The following ACTR3C variants were observed in gnomAD, a reference collection of about 807,000 sequenced individuals.
ACTR3C encodes the protein actin related protein 3C.
In ACTR3C, 18 loss-of-function variants were observed where a neutral mutation model predicts 26.3. The ratio of observed to expected loss-of-function variants is 0.68; its 90% CI spans 0.47 to 1.01. The LOEUF is 1.01. Ranked by LOEUF, ACTR3C falls within the 50% of genes least tolerant of loss-of-function variation. The pLI, the probability that ACTR3C is intolerant of heterozygous loss-of-function variation, is 0.00. For missense variants in ACTR3C, 184 were observed against 250.7 expected, an observed-to-expected ratio of 0.73 and a Z score of 1.80; for synonymous variants, 55 against 94.5, an observed-to-expected ratio of 0.58 and a Z score of 2.42.
the ACTR3C span, among the ~76,000 whole-genome samples, chr7:150,038,877 CGCGGGGGGTGCCT>C: frequency 3.5e-5 from 4 of 114,488 alleles, no homozygotes; most frequent in Non-Finnish European, 5.8e-5. Context: ...GTCCCTGCCT[CGCGGGGGGTGCCT>C]CCCCCCTGCG....
chr7:150,150,099 G>A, the ACTR3C span, among the ~76,000 whole-genome samples: 2 of 151,920 alleles, frequency 1.3e-5, no homozygotes, highest in Non-Finnish European at 2.9e-5. Context: ...TTAGTTGGAG[G>A]CAGGAAGAAG....
At chr7:150,136,834 A>G in the ACTR3C span, among the ~76,000 whole-genome samples, 2 of 152,090 alleles carry the variant, frequency 1.3e-5, no homozygotes, top group South Asian at 4.1e-4. Context: ...TGCACTGTGC[A>G]TGCTTTACAG....
At chr7:149,894,520 TA>T in the ACTR3C span, among the ~76,000 whole-genome samples, 1 of 151,718 alleles carries the variant, frequency 6.6e-6, no homozygotes, top group South Asian at 2.1e-4. Context: ...TCAAAATATA[TA>T]AAGAACTCAA....
chr7:150,158,317 G>A, the ACTR3C span, among the ~76,000 whole-genome samples: 1 of 151,874 alleles, frequency 6.6e-6, no homozygotes, highest in Non-Finnish European at 1.5e-5. Flanking sequence ...AAATAGAACT[G>A]CCATATGATC....
the ACTR3C span, among the ~76,000 whole-genome samples, chr7:150,085,335 G>A: frequency 6.6e-6 from 1 of 152,186 alleles, no homozygotes; most frequent in Non-Finnish European, 1.5e-5. Flanking sequence ...AGGCAGATAA[G>A]ACTTCAATGC....
At chr7:149,925,303 G>A in the ACTR3C span, among the ~76,000 whole-genome samples, 6 of 152,152 alleles carry the variant, frequency 3.9e-5, no homozygotes, top group Non-Finnish European at 8.8e-5. Flanking sequence ...TAATTTTTAA[G>A]TTTAATAAAA....
At chr7:150,007,602 T>C in the ACTR3C span, among the ~76,000 whole-genome samples, 1 of 152,196 alleles carries the variant, frequency 6.6e-6, no homozygotes, top group Non-Finnish European at 1.5e-5. Flanking sequence ...CTGATTTCCT[T>C]GCATTTCACG....
the ACTR3C span, among the ~76,000 whole-genome samples, chr7:150,016,823 T>G: frequency 5.5e-4 from 84 of 152,266 alleles, no homozygotes; most frequent in African/African-American, 1.8e-3. Context: ...GGTATATGTG[T>G]CATAGCCTGT....
chr7:149,925,722 G>A, the ACTR3C span, among the ~76,000 whole-genome samples: 1 of 151,424 alleles, frequency 6.6e-6, no homozygotes, highest in African/African-American at 2.4e-5. Flanking sequence ...AATTCCAAAT[G>A]AATTAGAGAT....
At chr7:149,990,596 C>G in the ACTR3C span, among the ~76,000 whole-genome samples, 1 of 133,932 alleles carries the variant, frequency 7.5e-6, no homozygotes, top group Non-Finnish European at 1.6e-5. Flanking sequence ...GAAACTGAGC[C>G]CCTCATGGAG....
intron 6 of ACTR3C, among the ~76,000 whole-genome samples, chr7:150,251,794 C>T (rs1341747942): frequency 1.4e-4 from 21 of 152,034 alleles, no homozygotes; most frequent in Non-Finnish European, 4.4e-5. Flanking sequence ...ATATAAAAGC[C>T]ATTAGGTTTT....
the ACTR3C span, among the ~76,000 whole-genome samples, chr7:149,915,463 T>A: frequency 6.6e-6 from 1 of 152,128 alleles, no homozygotes; most frequent in South Asian, 2.1e-4. Context: ...ACTCTCTATG[T>A]ACAAGCAGAC....
At chr7:150,028,832 G>A in the ACTR3C span, among the ~76,000 whole-genome samples, 3 of 152,268 alleles carry the variant, frequency 2.0e-5, no homozygotes, top group Non-Finnish European at 2.9e-5. Flanking sequence ...CGGGGCCACT[G>A]GGCCCTTTCC....
chr7:150,257,552 A>T (rs1284106501), intron 6 of ACTR3C, among the ~76,000 whole-genome samples: 1 of 152,234 alleles, frequency 6.6e-6, no homozygotes, highest in East Asian at 1.9e-4. Flanking sequence ...CTATACACCC[A>T]AAGAGTTGAA....
the ACTR3C span, among the ~76,000 whole-genome samples, chr7:150,175,185 A>C: frequency 6.7e-6 from 1 of 148,598 alleles, no homozygotes; most frequent in South Asian, 2.1e-4. Context: ...GTGTACCATA[A>C]AAATATTAGG....
At chr7:150,153,350 T>C in the ACTR3C span, among the ~76,000 whole-genome samples, 1 of 149,466 alleles carries the variant, frequency 6.7e-6, no homozygotes, top group Non-Finnish European at 1.5e-5. Flanking sequence ...ATCCAGAATC[T>C]ACAATGAACT....
At chr7:150,040,444 A>T in the ACTR3C span, 1 of 147,896 alleles carries the variant, frequency 6.8e-6, no homozygotes, top group Admixed American at 6.6e-5. Context: ...CCCATTTCAA[A>T]GTTTCCGGGT....
the ACTR3C span, among the ~76,000 whole-genome samples, chr7:149,945,650 G>A: frequency 3.9e-5 from 6 of 152,076 alleles, no homozygotes; most frequent in South Asian, 1.2e-3. Flanking sequence ...GAGGCCTGGG[G>A]CAAGCATCCT....
the ACTR3C span, among the ~76,000 whole-genome samples, chr7:150,189,038 A>G: frequency 4.6e-5 from 7 of 151,156 alleles, no homozygotes; most frequent in Non-Finnish European, 8.8e-5. Context: ...AGCTCCCTCC[A>G]ACACCCCAGG....
Sources: allele counts gnomAD v4.1 joint callset (sites outside exome capture counted in the v4.1 genomes callset), GRCh38; gene constraint gnomAD v4.1.1; transcripts MANE v1.5; gene names NCBI Gene and HGNC (gene_info 2026-07-23, HGNC 2026-07-21).